HYDIN: variants seen among roughly 807,000 people sequenced by gnomAD.
The protein encoded by HYDIN is HYDIN axonemal central pair apparatus protein.
A neutral mutation model predicts 403.9 loss-of-function variants in HYDIN; 132 were observed. That is an observed-to-expected ratio of 0.33 (90% confidence interval 0.28 to 0.38). The LOEUF is 0.38. Ranked by LOEUF, HYDIN falls within the 10% of genes least tolerant of loss-of-function variation. The pLI is 1.00. For synonymous variants in HYDIN, 1,202 were observed against 1,891.7 expected (o/e 0.64, Z 9.46); for missense variants, 2,827 against 5,009.5 (o/e 0.56, Z 13.15).
intron 8 of HYDIN, among the ~76,000 whole-genome samples, chr16:71,134,496 A>G (rs867469343): frequency 1.3e-5 from 2 of 151,796 alleles, no homozygotes; most frequent in South Asian, 4.1e-4. Context: ...GATTCACCCC[A>G]TTCGCTAAAG....
Position 70,860,135 on chromosome 16 carries a change from A to G in HYDIN, c.12062T>C (p.Leu4021Pro), listed in dbSNP as rs1408470638. 6.2e-7 allele frequency: 1 copy of G among 1,613,504 alleles called. No individual in the cohort carries two copies. The highest frequency in any genetic ancestry group is 2.2e-5 in the East Asian group (1 of 44,888). Residue 4021 changes from leucine (L) to proline (P), a missense_variant, in exon 71 of 86, where the codon CTC (leucine) becomes CCC (proline). Coordinates refer to ENST00000393567, the MANE Select transcript of HYDIN (RefSeq NM_001270974.2). ...GCATGTGAATGCTGCAGGGTTCTGG[A>G]GACTTTCAATTTCTTCAGAGATCCA... ...FCWISEEIES[L>P]QNPAAFTCLT... is the part of the protein sequence containing the mutation.
intron 43 of HYDIN, among the ~76,000 whole-genome samples, chr16:70,939,351 A>G (rs1369001063): frequency 6.6e-6 from 1 of 152,186 alleles, no homozygotes; most frequent in Non-Finnish European, 1.5e-5. Flanking sequence ...CAGAAAGTTT[A>G]TTTCTCCATA....
chr16:71,214,370 CAG>C (rs1158323130), intron 1 of HYDIN, among the ~76,000 whole-genome samples: 3 of 151,996 alleles, frequency 2.0e-5, no homozygotes, highest in African/African-American at 7.2e-5. Context: ...CTCAAAAAAA[CAG>C]AATTTTAGAT....
At chr16:70,871,942 T>G in intron 65 of HYDIN, 95 bp downstream of exon 65, 1 of 651,988 alleles carries the variant, frequency 1.5e-6, no homozygotes, top group Non-Finnish European at 2.8e-6. Flanking sequence ...ATGCATTAAT[T>G]CCATTCCATG....
At chr16:70,854,068 C>T (rs547901723) in intron 73 of HYDIN, among the ~76,000 whole-genome samples, 6 of 149,644 alleles carry the variant, frequency 4.0e-5, no homozygotes, top group African/African-American at 1.2e-4. Flanking sequence ...TTAGTAGAGA[C>T]GGGGTTTCAC....
chr16:71,150,850 G>A (rs1269629149), intron 7 of HYDIN, among the ~76,000 whole-genome samples: 1 of 152,054 alleles, frequency 6.6e-6, no homozygotes, highest in Non-Finnish European at 1.5e-5. Flanking sequence ...GTAATAAAAG[G>A]TACTTACAAA....
At chr16:71,222,622 A>G (rs1357792573) in intron 1 of HYDIN, among the ~76,000 whole-genome samples, 1 of 152,196 alleles carries the variant, frequency 6.6e-6, no homozygotes, top group African/African-American at 2.4e-5. Context: ...CTGATGAACG[A>G]ATTCAGTAAA....
intron 5 of HYDIN, 96 bp downstream of exon 5, chr16:71,175,511 A>G: frequency 8.1e-7 from 1 of 1,230,240 alleles, no homozygotes; most frequent in East Asian, 2.4e-5. Context: ...CACCACCACC[A>G]CCACCACCAC....
chr16:70,903,220 A>G lies in HYDIN; in HGVS notation c.8849+405T>C, dbSNP rs1490732199. ...GAATAATAATACCAATTCCAATAATAATTCCAATTAATGAATATGTAAGTT... is the reference window on the plus strand; with the variant it reads ...GAATAATAATACCAATTCCAATAATGATTCCAATTAATGAATATGTAAGTT... On this transcript the variant is annotated intron_variant, in intron 52 of 85. Transcript: ENST00000393567. Among the ~76,000 whole-genome samples, 16 of 114,108 alleles carry G rather than the reference A, an allele frequency of 1.4e-4. 1 individual carries two copies. Among genetic ancestry groups the G allele is most frequent in the African/African-American group, 4.9e-4 (14 of 28,670 alleles). The allele number at this position is 114,108 out of a possible 152,430, so 74.9% of individuals were successfully genotyped here. A position where few individuals can be genotyped will look rare whatever the true frequency, so the allele number is the denominator to read the frequency against.
intron 22 of HYDIN, among the ~76,000 whole-genome samples, chr16:71,019,579 C>A (rs1269158494): frequency 2.6e-5 from 4 of 152,264 alleles, no homozygotes; most frequent in Non-Finnish European, 5.9e-5. Flanking sequence ...TCGGTATCGC[C>A]ATGCTTGGTG....
Position 71,005,609 on chromosome 16 carries a change from C to T in HYDIN, c.3644+12520G>A, listed in dbSNP as rs532156848. On this transcript the variant is annotated intron_variant, in intron 23 of 85. Coordinates refer to ENST00000393567, the MANE Select transcript of HYDIN (RefSeq NM_001270974.2). ...CTGAGCTCAGTAATATAGTATAATA[C>T]ATTACACTTAAGTGTAGAAATTTCA... Among the ~76,000 whole-genome samples the T allele has an allele frequency of 1.8e-4, 28 of 152,290 alleles. No homozygotes were observed. The South Asian group carries it at 4.6e-3, about 25-fold the overall frequency.
chr16:71,051,645 C>CAAAAAAAAAAAAA (rs56676777), intron 18 of HYDIN, among the ~76,000 whole-genome samples: 33 of 120,100 alleles, frequency 2.7e-4, no homozygotes, highest in Admixed American at 4.2e-4. Flanking sequence ...GACTCTGTCT[C>CAAAAAAAAAAAAA]AAAAAAAAAA....
intron 13 of HYDIN, among the ~76,000 whole-genome samples, chr16:71,073,618 C>T (rs2144318451): frequency 6.6e-6 from 1 of 152,196 alleles, no homozygotes; most frequent in South Asian, 2.1e-4. Flanking sequence ...TATTCAATGG[C>T]CGAGTTCAAT....
intron 42 of HYDIN, among the ~76,000 whole-genome samples, chr16:70,942,441 A>G (rs1022296036): frequency 7.2e-5 from 11 of 152,272 alleles, no homozygotes; most frequent in Admixed American, 2.0e-4. Flanking sequence ...ATGAGATGGA[A>G]AGGGAAAGAT....
chr16:70,868,624 G>A lies in HYDIN; in HGVS notation c.11256C>T (p.Val3752=), dbSNP rs140444258. The part of the protein sequence containing the change: ...VPDWDDRMHT[V]KWVDVPRNMP... Reference sequence around the variant, plus strand: ...TGTTTCTGGGTACGTCCACCCACTTGACTGTGTGCATGCGGTCATCCCAGT... The same window carrying A: ...TGTTTCTGGGTACGTCCACCCACTTAACTGTGTGCATGCGGTCATCCCAGT... The change falls in exon 66 of 86, where the codon GTC becomes GTT. Residue 3752 remains valine, a synonymous_variant. Coordinates refer to ENST00000393567, the MANE Select transcript of HYDIN (RefSeq NM_001270974.2). 1.2e-6 allele frequency: 2 copies of A among 1,613,784 alleles called. No homozygotes were observed. Among genetic ancestry groups the A allele is most frequent in the African/African-American group, 2.7e-5 (2 of 74,856 alleles).
chr16:70,870,462 T>C (rs536134410), intron 65 of HYDIN, among the ~76,000 whole-genome samples: 502 of 151,770 alleles, frequency 3.3e-3, no homozygotes, highest in South Asian at 8.2e-3. Context: ...GATGTAGAGC[T>C]CTGCATCCCA....
chr16:71,177,689 CA>C (rs2086726758), intron 4 of HYDIN, among the ~76,000 whole-genome samples: 1 of 152,180 alleles, frequency 6.6e-6, no homozygotes, highest in Admixed American at 6.5e-5. Context: ...TTTGTCTCCA[CA>C]TTCTTAGACC....
intron 18 of HYDIN, among the ~76,000 whole-genome samples, chr16:71,037,323 C>T (rs941178986): frequency 4.0e-5 from 6 of 148,584 alleles, no homozygotes; most frequent in African/African-American, 1.5e-4. Context: ...CAGCTCAAAA[C>T]AGAAAACAAA....
In HYDIN at chr16:71,059,706, A is replaced by G. The variant is rs543555082; in HGVS notation, c.2529+798T>C. Among the ~76,000 whole-genome samples, 12 of 152,322 alleles carry G rather than the reference A, an allele frequency of 7.9e-5. No homozygotes were observed. The South Asian group carries it at 1.9e-3, about 24-fold the overall frequency. On this transcript the variant is annotated intron_variant, in intron 18 of 85. Coordinates refer to ENST00000393567, the MANE Select transcript of HYDIN (RefSeq NM_001270974.2). ...ATGCTTATTACCTGTGTGATAAAATAATCTGCACACCAAACCTGTGACATA... is the reference window on the plus strand; with the variant it reads ...ATGCTTATTACCTGTGTGATAAAATGATCTGCACACCAAACCTGTGACATA...
Sources: allele counts gnomAD v4.1 joint callset (sites outside exome capture counted in the v4.1 genomes callset), GRCh38; gene constraint gnomAD v4.1.1; transcripts MANE v1.5; gene names NCBI Gene and HGNC (gene_info 2026-07-23, HGNC 2026-07-21).